The following DNAAF2 variants were observed in gnomAD, a reference collection of about 807,000 sequenced individuals.
DNAAF2 encodes the protein dynein axonemal assembly factor 2.
Under a neutral mutation model 48.8 loss-of-function variants are expected in DNAAF2, and 58 were observed. The ratio of observed to expected loss-of-function variants is 1.19; its 90% confidence interval spans 0.96 to 1.48. The LOEUF is 1.48. Ranked by LOEUF, DNAAF2 falls within the 40% of genes most tolerant of loss-of-function variation. The pLI, the probability that DNAAF2 is intolerant of heterozygous loss-of-function variation, is 0.00. For missense variants in DNAAF2, 1,241 were observed against 1,116.1 expected (o/e 1.11, Z -1.59); for synonymous variants, 567 against 481.2 (o/e 1.18, Z -2.33).
chr14:49,630,203 C>G (rs1049056425), intron 1 of DNAAF2, among the ~76,000 whole-genome samples: 1 of 150,810 alleles, frequency 6.6e-6, no homozygotes, highest in Non-Finnish European at 1.5e-5. Context: ...TGCACTCCAG[C>G]CTGGGTGAGA....
At chr14:49,632,791 G>A (rs188717349) in intron 1 of DNAAF2, among the ~76,000 whole-genome samples, 2 of 151,962 alleles carry the variant, frequency 1.3e-5, no homozygotes, top group East Asian at 3.9e-4. Context: ...AGCTAGTGTT[G>A]TTTCTCAACA....
chr14:49,626,797 G>GT (rs1566508178), intron 2 of DNAAF2, among the ~76,000 whole-genome samples: 34 of 97,496 alleles, frequency 3.5e-4, no homozygotes, highest in African/African-American at 1.4e-3. Context: ...TCTGCTGCCA[G>GT]TCTTTTTTTT....
rs1044364957 is a variant in DNAAF2, at chr14:49,625,443, A to G, written c.*99T>C. ...AAAAAATTGCAAATTTTAATTTTAT[A>G]CTTTAATACCTTTAGTTTTAAGACA... On this transcript the variant is annotated 3_prime_UTR_variant, in exon 3 of 3. Transcript: ENST00000298292. 1.1e-6 allele frequency: 1 copy of G among 933,136 alleles called. No homozygotes were observed. Among genetic ancestry groups the G allele is most frequent in the African/African-American group, 1.7e-5 (1 of 57,930 alleles). 57.8% of individuals were successfully genotyped at this position (933,136 alleles called of 1,614,324 possible).
rs1165233490 is a variant in DNAAF2 at position 49,634,048 on chromosome 14, C to T, written c.1102G>A (p.Glu368Lys). The T allele has an allele frequency of 6.6e-6, 10 of 1,520,420 alleles. No homozygotes were observed. The highest frequency in any genetic ancestry group is 2.5e-5 in the South Asian group (2 of 80,394). 94.2% of individuals were successfully genotyped at this position (1,520,420 alleles called of 1,614,324 possible). ...TCAGTTCCGGACCGGTCCGCGGACT[C>T]TTCCGGCGCGGCGGCGGCGACGGCG... Reference protein sequence around the residue: ...AVAVAAAAPEESADRSGTDGQ... With the variant: ...AVAVAAAAPEKSADRSGTDGQ... Residue 368 changes from glutamate (E) to lysine (K), a missense_variant, in exon 1 of 3, where the codon GAG (glutamate) becomes AAG (lysine). Transcript: ENST00000298292.
At chr14:49,628,228 A>C in intron 1 of DNAAF2, 73 bp from the exon 2 acceptor site, 252 of 1,251,182 alleles carry the variant, frequency 2.0e-4, no homozygotes, top group Non-Finnish European at 2.5e-4. Context: ...AAAGCAGCTC[A>C]CAAAAATTCT....
rs1298518158 is a variant in DNAAF2, at chr14:49,635,079, G to T, written c.71C>A (p.Thr24Asn). Residue 24 changes from threonine to asparagine, a missense_variant, in exon 1 of 3, where the codon ACC becomes AAC. By Grantham distance (65) the Thr-to-Asn change is moderately conservative. Transcript: ENST00000298292. ...DLSGEEVQRLTSAFQDPEFRR... is the reference protein window; with the variant it reads ...DLSGEEVQRLNSAFQDPEFRR... Reference sequence around the variant, plus strand: ...GAACTCCGGGTCCTGGAAGGCGGAGGTGAGCCGCTGGACCTCCTCTCCGCT... The same window carrying T: ...GAACTCCGGGTCCTGGAAGGCGGAGTTGAGCCGCTGGACCTCCTCTCCGCT... The T allele has an allele frequency of 1.3e-6, 2 of 1,584,470 alleles. No individual in the cohort carries two copies. Among genetic ancestry groups the T allele is most frequent in the Non-Finnish European group, 1.7e-6 (2 of 1,166,270 alleles).
chr14:49,633,526 G>A lies in DNAAF2; in HGVS notation c.1624C>T (p.Arg542Trp), dbSNP rs201615253. 2.2e-5 allele frequency: 35 copies of A among 1,613,908 alleles called. No individual in the cohort carries two copies. Among genetic ancestry groups the A allele is most frequent in the Non-Finnish European group, 2.9e-5 (34 of 1,179,882 alleles). Residue 542 changes from arginine to tryptophan, a missense_variant, in exon 1 of 3, where the codon CGG becomes TGG. Arg to Trp is a moderately radical substitution (Grantham distance 101). Transcript: ENST00000298292. ...CCTTGAAGACTTTGCGGCTGGATCCGAGGCACCTGAATGAGCAGAGTCAAG... is the reference window on the plus strand; with the variant it reads ...CCTTGAAGACTTTGCGGCTGGATCCAAGGCACCTGAATGAGCAGAGTCAAG... ...ETLTLLIQVPRIQPQSLQGDL... is the reference protein window; with the variant it reads ...ETLTLLIQVPWIQPQSLQGDL...
Position 49,634,569 on chromosome 14 carries a change from C to G in DNAAF2, c.581G>C (p.Gly194Ala). The change falls in exon 1 of 3, where the codon GGG becomes GCG. Residue 194 changes from glycine (G) to alanine (A), a missense_variant. Coordinates refer to ENST00000298292, the MANE Select transcript of DNAAF2 (RefSeq NM_018139.3). ...NAKTLKAKYK[G>A]TPEAAVLRTP... ...GCGCAGCACCGCAGCCTCTGGGGTC[C>G]CCTTATACTTGGCCTTCAGGGTCTT... 2 of 1,604,968 alleles carry G rather than the reference C, an allele frequency of 1.2e-6. No homozygotes were observed. The highest frequency in any genetic ancestry group is 1.7e-6 in the Non-Finnish European group (2 of 1,179,714).
chr14:49,635,223 T>A lies in DNAAF2; in HGVS notation c.-74A>T. On this transcript the variant is annotated 5_prime_UTR_variant, in exon 1 of 3. Transcript: ENST00000298292. ...CTGGGTTGGGGGATCCGCCTCAGAG[T>A]TTCTGGGCAGCGTACAGTGACGCGG... The A allele has an allele frequency of 6.8e-7, 1 of 1,474,704 alleles. No individual in the cohort carries two copies. The highest frequency in any genetic ancestry group is 9.2e-7 in the Non-Finnish European group (1 of 1,082,162). The allele number at this position is 1,474,704 out of a possible 1,614,324, so 91.4% of individuals were successfully genotyped here. A position where few individuals can be genotyped will look rare whatever the true frequency, so the allele number is the denominator to read the frequency against.
chr14:49,625,514 A>G lies in DNAAF2; in HGVS notation c.*28T>C. 2 of 1,399,060 alleles carry G rather than the reference A, an allele frequency of 1.4e-6. No individual in the cohort carries two copies. The highest frequency in any genetic ancestry group is 1.9e-6 in the Non-Finnish European group (2 of 1,058,610). The allele number at this position is 1,399,060 out of a possible 1,614,324, so 86.7% of individuals were successfully genotyped here. ...TAGATACAGGTATTTTTTAACCTTA[A>G]TATTTAAAAGTCCAAAATTATATAG... is the stretch of plus-strand genomic sequence containing the variant. On this transcript the variant is annotated 3_prime_UTR_variant, in exon 3 of 3. Transcript: ENST00000298292.
Position 49,625,506 on chromosome 14 carries a change from T to A in DNAAF2, c.*36A>T. The A allele has an allele frequency of 7.5e-7, 1 of 1,339,544 alleles. No homozygotes were observed. The highest frequency in any genetic ancestry group is 9.8e-7 in the Non-Finnish European group (1 of 1,016,464). 83.0% of individuals were successfully genotyped at this position (1,339,544 alleles called of 1,614,324 possible). On this transcript the variant is annotated 3_prime_UTR_variant, in exon 3 of 3. Transcript: ENST00000298292. ...ATCAATTTTAGATACAGGTATTTTTTAACCTTAATATTTAAAAGTCCAAAA... is the reference window on the plus strand; with the variant it reads ...ATCAATTTTAGATACAGGTATTTTTAAACCTTAATATTTAAAAGTCCAAAA...
intron 2 of DNAAF2, among the ~76,000 whole-genome samples, 160 bp from the exon 3 acceptor site, chr14:49,626,208 C>T (rs1285056179): frequency 2.6e-5 from 4 of 152,330 alleles, no homozygotes; most frequent in African/African-American, 9.6e-5. Context: ...ATCCTCCAGG[C>T]TGGGCACAGT....
chr14:49,628,514 G>A (rs964627359), intron 1 of DNAAF2, among the ~76,000 whole-genome samples: 1 of 152,076 alleles, frequency 6.6e-6, no homozygotes, highest in Non-Finnish European at 1.5e-5. Context: ...GAGTGCAGTG[G>A]TGCAATCTCG....
intron 1 of DNAAF2, among the ~76,000 whole-genome samples, chr14:49,632,279 GC>G (rs1883181933): frequency 1.3e-5 from 2 of 152,026 alleles, no homozygotes; most frequent in South Asian, 4.1e-4. Flanking sequence ...ACCTTAGCTA[GC>G]CCAGCTATTT....
Position 49,635,105 on chromosome 14 carries a change from C to G in DNAAF2, c.45G>C (p.Leu15=). The G allele has an allele frequency of 6.3e-7, 1 of 1,577,360 alleles. No individual in the cohort carries two copies. Among genetic ancestry groups the G allele is most frequent in the Non-Finnish European group, 8.6e-7 (1 of 1,162,472 alleles). ...AASSSLEDLD[L]SGEEVQRLTS... ...TGAGCCGCTGGACCTCCTCTCCGCT[C>G]AGGTCCAAGTCCTCCAGCGACGAGG... Residue 15 remains leucine (L), a synonymous_variant, in exon 1 of 3, where the codon CTG becomes CTC. Transcript: ENST00000298292.
In DNAAF2 at chr14:49,633,510, CTT is replaced by C; in HGVS notation, c.1638_1639del (p.Leu548SerfsTer31). ...GAGGGGATTCAAATCTCCTTGAAGA[CTT>C]TGCGGCTGGATCCGAGGCACCTGAA... is the stretch of plus-strand genomic sequence containing the variant. On this transcript the variant is annotated frameshift_variant, in exon 1 of 3. Coordinates refer to ENST00000298292, the MANE Select transcript of DNAAF2 (RefSeq NM_018139.3). LOFTEE classifies it high-confidence loss of function. 3 of 1,614,050 alleles carry C rather than the reference CTT, an allele frequency of 1.9e-6. No homozygotes were observed. Among genetic ancestry groups the C allele is most frequent in the Non-Finnish European group, 2.5e-6 (3 of 1,179,896 alleles).
chr14:49,626,180 G>T (rs1050563684), intron 2 of DNAAF2, 132 bp from the exon 3 acceptor site: 2 of 700,714 alleles, frequency 2.9e-6, no homozygotes, highest in Admixed American at 3.9e-5. Flanking sequence ...ATACATCCAG[G>T]CTTTCCTGTC....
intron 1 of DNAAF2, among the ~76,000 whole-genome samples, chr14:49,631,926 T>C (rs1477253511): frequency 6.6e-6 from 1 of 152,178 alleles, no homozygotes; most frequent in African/African-American, 2.4e-5. Flanking sequence ...CAGTACAAAG[T>C]AAAGCAAAAG....
In DNAAF2 at chr14:49,625,775, T is replaced by C. The variant is rs148936584; in HGVS notation, c.2281A>G (p.Thr761Ala). 8.0e-5 allele frequency: 128 copies of C among 1,609,260 alleles called. No homozygotes were observed. The African/African-American group carries it at 1.6e-3, about 21-fold the overall frequency. The change falls in exon 3 of 3, where the codon ACT becomes GCT. Residue 761 changes from threonine (T) to alanine (A), a missense_variant. By Grantham distance (58) the Thr-to-Ala change is moderately conservative. Transcript: ENST00000298292. The stretch of plus-strand genomic sequence containing the variant: ...TTATCTTTTTCCTCATTTGAACAAG[T>C]AGCACTTTTTTCTTTTATAAATTCA... ...QSEFIKEKSA[T>A]CSNEEKDNLN... is the part of the protein sequence containing the mutation.
Sources: gnomAD v4.1 joint callset for allele counts (sites outside exome capture counted in the v4.1 genomes callset) on GRCh38, gnomAD v4.1.1 for gene constraint, MANE v1.5 for transcripts, NCBI Gene and HGNC (gene_info 2026-07-23, HGNC 2026-07-21) for gene names.